The following INTS10 variants were observed in gnomAD, a reference collection of about 807,000 sequenced individuals.
INTS10 encodes chromosome 8 open reading frame 35.
Under a neutral mutation model 94.4 loss-of-function variants are expected in INTS10, and 44 were observed. The ratio of observed to expected loss-of-function variants is 0.47; its 90% CI spans 0.37 to 0.60. The LOEUF (loss-of-function observed/expected upper bound fraction) is 0.60, where lower values mean the gene tolerates loss of function less well. INTS10 is among the 20% of genes least tolerant of loss of function. The pLI is 0.00. For synonymous variants in INTS10, 341 were observed against 320.7 expected (o/e 1.06, Z -0.68); for missense variants, 797 against 868.7 (o/e 0.92, Z 1.04).
rs1043489261 is a variant in INTS10 at position 19,833,252 on chromosome 8, G to A, written c.1461G>A (p.Gln487=). 2.5e-5 allele frequency: 41 copies of A among 1,612,852 alleles called. No individual in the cohort carries two copies. Among genetic ancestry groups the A allele is most frequent in the Non-Finnish European group, 3.1e-5 (36 of 1,179,436 alleles). The change falls in exon 12 of 17, where the codon CAG becomes CAA. Residue 487 remains glutamine (Q), a synonymous_variant. Coordinates refer to ENST00000397977, the MANE Select transcript of INTS10 (RefSeq NM_018142.4). ...TTTCTCAGCCACAGATCACAGGGCAGGGGACCCTGGAGCATCAGAGGGCGC... is the reference window on the plus strand; with the variant it reads ...TTTCTCAGCCACAGATCACAGGGCAAGGGACCCTGGAGCATCAGAGGGCGC... The part of the protein sequence containing the change: ...GSISQPQITG[Q]GTLEHQRALI...
intron 4 of INTS10, 38 bp downstream of exon 4, chr8:19,820,556 A>T: frequency 6.3e-7 from 1 of 1,576,418 alleles, no homozygotes; most frequent in South Asian, 1.1e-5. Flanking sequence ...AATATAAAAT[A>T]CAATGGGTCA....
Position 19,833,170 on chromosome 8 carries a change from G to GTC in INTS10, c.1380_1381dup (p.Gln461LeufsTer7). ...TCCTTGCTATTCTATCTTTCTTAGG[G>GTC]TCAATATAAAAAGGCGATAGCCAGC... On this transcript the variant is annotated frameshift_variant and splice_region_variant, in exon 12 of 17. Transcript: ENST00000397977. LOFTEE classifies it high-confidence loss of function. 1 of 1,578,800 alleles carries GTC rather than the reference G, an allele frequency of 6.3e-7. No individual in the cohort carries two copies. Among genetic ancestry groups the GTC allele is most frequent in the Non-Finnish European group, 8.6e-7 (1 of 1,165,690 alleles).
At position 19,849,147 on chromosome 8, in the gene INTS10, T is replaced by G. The variant is rs1391633760; in HGVS notation, c.1977-2502T>G. 1 of 1,274,416 alleles carries G rather than the reference T, an allele frequency of 7.8e-7. No homozygotes were observed. Among genetic ancestry groups the G allele is most frequent in the African/African-American group, 1.5e-5 (1 of 65,482 alleles). The allele number at this position is 1,274,416 out of a possible 1,614,324, so 78.9% of individuals were successfully genotyped here. On this transcript the variant is annotated intron_variant, in intron 16 of 16. Transcript: ENST00000397977. The surrounding 1 kb of genome is among the most constrained non-coding windows in gnomAD (Gnocchi z 4.6). ...GTGTGGGTGTTTGAATGCTGCTGTTTGCTGTTTTTTAAAGGCCTTCTAGCC... is the reference window on the plus strand; with the variant it reads ...GTGTGGGTGTTTGAATGCTGCTGTTGGCTGTTTTTTAAAGGCCTTCTAGCC...
chr8:19,822,220 A>G lies in INTS10; in HGVS notation c.442-219A>G, dbSNP rs1358069740. Reference sequence around the variant, plus strand: ...GAATTTGCTAATTATGAAGAGAATAACCAAGACAGAGTGGTCAGATGTTCA... The same window carrying G: ...GAATTTGCTAATTATGAAGAGAATAGCCAAGACAGAGTGGTCAGATGTTCA... On this transcript the variant is annotated intron_variant, in intron 4 of 16. Transcript: ENST00000397977. 1.1e-5 allele frequency: 4 copies of G among 367,260 alleles called. No homozygotes were observed. The Admixed American group carries it at 1.7e-4, about 16-fold the overall frequency. 22.8% of individuals were successfully genotyped at this position (367,260 alleles called of 1,614,324 possible). A position where few individuals can be genotyped will look rare whatever the true frequency, so the allele number is the denominator to read the frequency against.
At chr8:19,850,508 T>C (rs987524354) in intron 16 of INTS10, among the ~76,000 whole-genome samples, 1 of 152,234 alleles carries the variant, frequency 6.6e-6, no homozygotes, top group Non-Finnish European at 1.5e-5. Context: ...TTTTCATCTG[T>C]TGTTTTACAA....
At chr8:19,837,368 G>T in intron 13 of INTS10, 1 of 529,984 alleles carries the variant, frequency 1.9e-6, no homozygotes, top group Non-Finnish European at 3.4e-6. Flanking sequence ...TAGGACCCAA[G>T]GCTGAACAAT....
At position 19,842,895 on chromosome 8, in the gene INTS10, T is replaced by C. The variant is rs1299452345; in HGVS notation, c.1687T>C (p.Tyr563His). The stretch of plus-strand genomic sequence containing the variant: ...TTGTACCAGCAAGGCTATCATGCCA[T>C]ACTGCCTCCATTTAATGTTAGCCTG... ...LPCTSKAIMP[Y>H]CLHLMLACFK... is the part of the protein sequence containing the mutation. Residue 563 changes from tyrosine (Y) to histidine (H), a missense_variant, in exon 14 of 17, where the codon TAC (tyrosine) becomes CAC (histidine). Tyr to His is a moderately conservative substitution (Grantham distance 83). Transcript: ENST00000397977. The C allele has an allele frequency of 6.2e-7, 1 of 1,612,846 alleles. No homozygotes were observed. The highest frequency in any genetic ancestry group is 1.7e-5 in the Admixed American group (1 of 60,018).
intron 16 of INTS10, among the ~76,000 whole-genome samples, chr8:19,850,826 T>C (rs555927404): frequency 2.8e-4 from 43 of 152,298 alleles, no homozygotes; most frequent in African/African-American, 1.0e-3. Context: ...TTTCCTGGGA[T>C]TTCATGTGTG....
chr8:19,851,935 A>C lies in INTS10; in HGVS notation c.*130A>C. 1.5e-6 allele frequency: 1 copy of C among 682,096 alleles called. No homozygotes were observed. Among genetic ancestry groups the C allele is most frequent in the Middle Eastern group, 2.8e-4 (1 of 3,538 alleles). 42.3% of individuals were successfully genotyped at this position (682,096 alleles called of 1,614,324 possible). The stretch of plus-strand genomic sequence containing the variant: ...AAAGAAGAAAACCATCTGAGTTCTA[A>C]CTCCTTGGTTGCTTAAAAGTAGTTC... On this transcript the variant is annotated 3_prime_UTR_variant, in exon 17 of 17. Transcript: ENST00000397977. This position sits in a 1 kb window ranked among gnomAD's most constrained non-coding sequence, Gnocchi z 5.0.
At chr8:19,820,545 T>G (rs769762694) in intron 4 of INTS10, 27 bp downstream of exon 4, 7 of 1,591,092 alleles carry the variant, frequency 4.4e-6, no homozygotes, top group African/African-American at 2.7e-5. Flanking sequence ...CCCCTTCTTT[T>G]AATATAAAAT....
At chr8:19,823,212 A>G in intron 5 of INTS10, 89 bp from the exon 6 acceptor site, 1 of 990,702 alleles carries the variant, frequency 1.0e-6, no homozygotes, top group East Asian at 2.4e-5. Flanking sequence ...TAGATACTAC[A>G]TCAAATGAAC....
rs2066811854 is a variant in INTS10 at position 19,826,563 on chromosome 8, A to G, written c.1140+4A>G. ...TGAAGGAAGAGAAAAAACCATGGTA[A>G]GGCTTTCAAATATACTTATTAACAG... On this transcript the variant is annotated splice_donor_region_variant and intron_variant, in intron 9 of 16. Transcript: ENST00000397977. 12 of 1,609,672 alleles carry G rather than the reference A, an allele frequency of 7.5e-6. No homozygotes were observed. The highest frequency in any genetic ancestry group is 3.4e-5 in the Admixed American group (2 of 58,954).
chr8:19,845,399 G>A (rs931752007), intron 15 of INTS10: 10 of 276,982 alleles, frequency 3.6e-5, no homozygotes, highest in Admixed American at 2.3e-4. Context: ...AAAACATGTT[G>A]TCCTCATGCT....
At position 19,846,686 on chromosome 8, in the gene INTS10, C is replaced by A. The variant is rs1326756592; in HGVS notation, c.1976+889C>A. On this transcript the variant is annotated intron_variant, in intron 16 of 16. Coordinates refer to ENST00000397977, the MANE Select transcript of INTS10 (RefSeq NM_018142.4). The surrounding 1 kb of genome is among the most constrained non-coding windows in gnomAD (Gnocchi z 4.2). ...GCTCCCCTGAACTCACAAGATGTTA[C>A]TAAAATTCCGGGTTGGCCCAGATGA... 6.6e-6 allele frequency among the ~76,000 whole-genome samples: 1 copy of A among 152,162 alleles called. No individual in the cohort carries two copies. Among genetic ancestry groups the A allele is most frequent in the Non-Finnish European group, 1.5e-5 (1 of 68,034 alleles).
chr8:19,834,096 T>C (rs2067462164), intron 12 of INTS10, among the ~76,000 whole-genome samples: 1 of 152,098 alleles, frequency 6.6e-6, no homozygotes, highest in Non-Finnish European at 1.5e-5. Flanking sequence ...CCCTTCCTAC[T>C]ACAGGGTGGG....
chr8:19,845,918 C>T (rs1279477634), intron 16 of INTS10, 121 bp downstream of exon 16: 1 of 571,406 alleles, frequency 1.8e-6, no homozygotes, highest in Admixed American at 2.9e-5. Flanking sequence ...AACCTGGTCT[C>T]TGTTATGATA....
rs2068631545 is a variant in INTS10 at position 19,846,968 on chromosome 8, G to C, written c.1976+1171G>C. ...TAAAAACATTTTTCTTTTTCCCTCA[G>C]TTGTGGAATAAACTAGTTTTCAGTG... is the stretch of plus-strand genomic sequence containing the variant. On this transcript the variant is annotated intron_variant, in intron 16 of 16. Transcript: ENST00000397977. The surrounding 1 kb of genome is among the most constrained non-coding windows in gnomAD (Gnocchi z 4.2). 6.6e-6 allele frequency among the ~76,000 whole-genome samples: 1 copy of C among 152,136 alleles called. No individual in the cohort carries two copies. Among genetic ancestry groups the C allele is most frequent in the Non-Finnish European group, 1.5e-5 (1 of 68,022 alleles).
At chr8:19,844,718 G>A (rs578036752) in intron 15 of INTS10, among the ~76,000 whole-genome samples, 14 of 152,276 alleles carry the variant, frequency 9.2e-5, no homozygotes, top group African/African-American at 3.4e-4. Context: ...CACAGTAGCT[G>A]CTTCTGACAT....
At chr8:19,839,999 G>A (rs2067995666) in intron 13 of INTS10, among the ~76,000 whole-genome samples, 1 of 144,696 alleles carries the variant, frequency 6.9e-6, no homozygotes, top group Admixed American at 7.2e-5. Flanking sequence ...GGAGGTGGAG[G>A]TTTCATTGAG....
Sources: gnomAD v4.1 joint callset for allele counts (sites outside exome capture counted in the v4.1 genomes callset) on GRCh38, gnomAD v4.1.1 for gene constraint, Gnocchi (gnomAD v3.1) non-coding constraint, MANE v1.5 for transcripts, NCBI Gene and HGNC (gene_info 2026-07-23, HGNC 2026-07-21) for gene names.